The following FAT4 variants were observed in gnomAD, a reference collection of about 807,000 sequenced individuals.
FAT4 encodes protocadherin Fat 4.
Under a neutral mutation model 303.9 loss-of-function variants are expected in FAT4, and 84 were observed. The ratio of observed to expected loss-of-function variants is 0.28; its 90% CI spans 0.23 to 0.33. The LOEUF is 0.33. Ranked by LOEUF, FAT4 falls within the 10% of genes least tolerant of loss-of-function variation. The pLI is 1.00. For missense variants in FAT4, 6,005 were observed against 6,146.8 expected (o/e 0.98, Z 0.77); for synonymous variants, 2,307 against 2,298.8 (o/e 1.00, Z -0.10).
At chr4:125,428,249 GAT>G (rs1158276860) in intron 7 of FAT4, among the ~76,000 whole-genome samples, 1 of 151,386 alleles carries the variant, frequency 6.6e-6, no homozygotes, top group East Asian at 2.0e-4. Context: ...AGTGAGCCGA[GAT>G]CACACCGCTG....
chr4:125,492,085 G>T lies in FAT4; in HGVS notation c.*317G>T. On this transcript the variant is annotated 3_prime_UTR_variant, in exon 18 of 18. Transcript: ENST00000394329. ...TTTAAAAATTGATACCTTTACCATTGCAGAAAAGAACTTGTGCTTTCCCAG... is the reference window on the plus strand; with the variant it reads ...TTTAAAAATTGATACCTTTACCATTTCAGAAAAGAACTTGTGCTTTCCCAG... 3.8e-6 allele frequency: 1 copy of T among 264,120 alleles called. No homozygotes were observed. The highest frequency in any genetic ancestry group is 7.2e-6 in the Non-Finnish European group (1 of 139,250). 16.4% of individuals were successfully genotyped at this position (264,120 alleles called of 1,614,324 possible).
Position 125,321,435 on chromosome 4 carries a change from A to T in FAT4, c.5024A>T (p.Lys1675Ile). 1 of 1,614,056 alleles carries T rather than the reference A, an allele frequency of 6.2e-7. No individual in the cohort carries two copies. The change falls in exon 2 of 18, where the codon AAA becomes ATA. Residue 1675 changes from lysine to isoleucine, a missense_variant. By Grantham distance (102) the Lys-to-Ile change is moderately radical. Coordinates refer to ENST00000394329, the MANE Select transcript of FAT4 (RefSeq NM_001291303.3). Reference sequence around the variant, plus strand: ...ATTGTTTCAGTTCGTTGTGAAGAAAAAACTGTTGGACGCCTCTTTACTATT... The same window carrying T: ...ATTGTTTCAGTTCGTTGTGAAGAAATAACTGTTGGACGCCTCTTTACTATT... Reference protein sequence around the residue: ...YYIVSVRCEEKTVGRLFTIGR... With the variant: ...YYIVSVRCEEITVGRLFTIGR...
In FAT4 at chr4:125,463,556, A is replaced by G. The variant is rs767081183; in HGVS notation, c.11801-7A>G. The G allele has an allele frequency of 8.4e-6, 13 of 1,547,586 alleles. No individual in the cohort carries two copies. The East Asian group carries it at 3.0e-4, about 36-fold the overall frequency. On this transcript the variant is annotated splice_region_variant and splice_polypyrimidine_tract_variant and intron_variant, in intron 10 of 17. Coordinates refer to ENST00000394329, the MANE Select transcript of FAT4 (RefSeq NM_001291303.3). ...ATTTAAAAAAAACTGAATTTGATAT[A>G]TTTTAGGGAAAATGTGTGAATCTTC...
At chr4:125,353,538 A>C (rs1732313295) in intron 2 of FAT4, among the ~76,000 whole-genome samples, 1 of 151,672 alleles carries the variant, frequency 6.6e-6, no homozygotes, top group African/African-American at 2.4e-5. Context: ...TAGTTGGCTT[A>C]GAGCTTGATA....
At chr4:125,424,780 T>G (rs1725030857) in intron 7 of FAT4, among the ~76,000 whole-genome samples, 2 of 152,252 alleles carry the variant, frequency 1.3e-5, no homozygotes, top group Admixed American at 1.3e-4. Context: ...TTATGAAACA[T>G]GATGCGGTTA....
rs545382053 is a variant in FAT4 at position 125,477,803 on chromosome 4, C to T, written c.12479+469C>T. On this transcript the variant is annotated intron_variant, in intron 14 of 17. Transcript: ENST00000394329. ...ACTTGATTAATTATGAACTGTAAGG[C>T]TTTTTTATTTGATTATTAATTAGGT... 8.2e-4 allele frequency among the ~76,000 whole-genome samples: 125 copies of T among 152,036 alleles called. 1 individual carries two copies. Among genetic ancestry groups the T allele is most frequent in the African/African-American group, 3.0e-3 (123 of 41,498 alleles).
chr4:125,391,624 T>G (rs765484277), intron 2 of FAT4, among the ~76,000 whole-genome samples: 1 of 152,170 alleles, frequency 6.6e-6, no homozygotes, highest in Non-Finnish European at 1.5e-5. Flanking sequence ...ATTCTGCCCA[T>G]GTATCCTGTT....
Position 125,451,524 on chromosome 4 carries a change from TA to T in FAT4, c.10517del (p.Asn3506MetfsTer7). On this transcript the variant is annotated frameshift_variant, in exon 10 of 18. Coordinates refer to ENST00000394329, the MANE Select transcript of FAT4 (RefSeq NM_001291303.3). LOFTEE classifies it high-confidence loss of function. ...TCTTTATTAGTCACCCTGGAAGATATAAATGATAACGGGCCCATGCTGACTG... is the reference window on the plus strand; with the variant it reads ...TCTTTATTAGTCACCCTGGAAGATATAATGATAACGGGCCCATGCTGACTG... ...SASLLVTLEDINDNGPMLTVS... is the reference protein window; with the variant it reads ...SASLLVTLEDXNDNGPMLTVS... 1 of 1,614,162 alleles carries T rather than the reference TA, an allele frequency of 6.2e-7. No individual in the cohort carries two copies. The highest frequency in any genetic ancestry group is 8.5e-7 in the Non-Finnish European group (1 of 1,180,028).
chr4:125,470,432 ATCT>A (rs1189443544), intron 12 of FAT4, among the ~76,000 whole-genome samples: 1 of 152,226 alleles, frequency 6.6e-6, no homozygotes, highest in Non-Finnish European at 1.5e-5. Flanking sequence ...CCTAGATGAC[ATCT>A]TCTAATAAAA....
intron 7 of FAT4, among the ~76,000 whole-genome samples, chr4:125,422,393 G>T (rs1350666768): frequency 6.6e-6 from 1 of 152,178 alleles, no homozygotes; most frequent in East Asian, 1.9e-4. Context: ...TAATCCCCAT[G>T]TGTCATGGGA....
intron 10 of FAT4, among the ~76,000 whole-genome samples, chr4:125,454,762 G>T (rs1286917478): frequency 1.3e-5 from 2 of 152,204 alleles, no homozygotes; most frequent in Non-Finnish European, 2.9e-5. Flanking sequence ...GAACCCGGGA[G>T]ATGGAGGTTG....
intron 8 of FAT4, among the ~76,000 whole-genome samples, chr4:125,442,770 C>T (rs924896180): frequency 4.6e-5 from 7 of 151,998 alleles, no homozygotes; most frequent in Admixed American, 2.6e-4. Flanking sequence ...ATAATGGATA[C>T]TCAACCTATG....
intron 2 of FAT4, among the ~76,000 whole-genome samples, chr4:125,396,908 G>C (rs181085056): frequency 1.4e-4 from 17 of 119,468 alleles, no homozygotes; most frequent in Admixed American, 3.0e-4. Context: ...TTACATATAT[G>C]TATGTGTATG....
At chr4:125,337,185 T>G (rs149918413) in intron 2 of FAT4, among the ~76,000 whole-genome samples, 1 of 152,092 alleles carries the variant, frequency 6.6e-6, no homozygotes, top group African/African-American at 2.4e-5. Context: ...ATTTGAATGC[T>G]GATCTATATC....
In FAT4 at chr4:125,448,066, G is replaced by A. The variant is rs554428283; in HGVS notation, c.7451-395G>A. ...GACACACTAGAGCAACGGTATCATT[G>A]CATTGGGTAGAGGCATAGCACTTTG... On this transcript the variant is annotated intron_variant, in intron 9 of 17. Coordinates refer to ENST00000394329, the MANE Select transcript of FAT4 (RefSeq NM_001291303.3). Among the ~76,000 whole-genome samples the A allele has an allele frequency of 2.0e-3, 301 of 152,216 alleles. 1 individual carries two copies. The highest frequency in any genetic ancestry group is 3.8e-3 in the Admixed American group (58 of 15,264).
At chr4:125,439,107 C>T (rs1351050071) in intron 8 of FAT4, among the ~76,000 whole-genome samples, 2 of 152,072 alleles carry the variant, frequency 1.3e-5, no homozygotes, top group African/African-American at 4.8e-5. Flanking sequence ...AGTATTTTCC[C>T]TTATAGAAAA....
chr4:125,382,298 C>T (rs540251054), intron 2 of FAT4, among the ~76,000 whole-genome samples: 5 of 152,198 alleles, frequency 3.3e-5, no homozygotes, highest in East Asian at 1.9e-4. Flanking sequence ...TGTATTTCTT[C>T]GATCATAAGA....
intron 4 of FAT4, among the ~76,000 whole-genome samples, chr4:125,407,520 G>A (rs922594348): frequency 1.3e-5 from 2 of 151,698 alleles, no homozygotes; most frequent in Admixed American, 6.6e-5. Flanking sequence ...TGATTCTAAC[G>A]CTCACTAGCT....
Position 125,318,064 on chromosome 4 carries a change from T to C in FAT4, c.1653T>C (p.Asn551=). The change falls in exon 2 of 18, where the codon AAT becomes AAC. Residue 551 remains asparagine (N), a synonymous_variant. Coordinates refer to ENST00000394329, the MANE Select transcript of FAT4 (RefSeq NM_001291303.3). ...DRELASQIVL[N]ISARDQGVHP... Reference sequence around the variant, plus strand: ...AACTTGCTTCCCAGATTGTTCTGAATATAAGTGCCCGGGACCAGGGAGTTC... The same window carrying C: ...AACTTGCTTCCCAGATTGTTCTGAACATAAGTGCCCGGGACCAGGGAGTTC... The C allele has an allele frequency of 6.2e-7, 1 of 1,614,156 alleles. No homozygotes were observed. The highest frequency in any genetic ancestry group is 8.5e-7 in the Non-Finnish European group (1 of 1,180,022).
Sources: gnomAD v4.1 joint callset for allele counts (sites outside exome capture counted in the v4.1 genomes callset) on GRCh38, gnomAD v4.1.1 for gene constraint, MANE v1.5 for transcripts, NCBI Gene and HGNC (gene_info 2026-07-23, HGNC 2026-07-21) for gene names.